Variants in LRBA observed in about 807,000 individuals in gnomAD.
LRBA encodes the protein LPS responsive beige-like anchor protein, also known as lipopolysaccharide-responsive and beige-like anchor protein.
LRBA carries 176 observed loss-of-function variants against 330.0 expected under a neutral mutation model. The ratio of observed to expected loss-of-function variants is 0.53; its 90% CI spans 0.47 to 0.60. LRBA has a LOEUF of 0.60. Ranked by LOEUF, LRBA falls within the 20% of genes least tolerant of loss-of-function variation. LRBA has a pLI of 0.00. For synonymous variants in LRBA, 1,230 were observed against 1,193.0 expected (o/e 1.03, Z -0.64); for missense variants, 3,259 against 3,444.8 (o/e 0.95, Z 1.35).
chr4:150,343,322 T>C (rs563459501), intron 48 of LRBA, among the ~76,000 whole-genome samples: 1 of 152,296 alleles, frequency 6.6e-6, no homozygotes, highest in South Asian at 2.1e-4. Flanking sequence ...GCACTTTGTA[T>C]CACCTTACCC....
At chr4:150,912,837 T>TA (rs1298976224) in intron 9 of LRBA, among the ~76,000 whole-genome samples, 1 of 152,190 alleles carries the variant, frequency 6.6e-6, no homozygotes, top group Non-Finnish European at 1.5e-5. Context: ...GATCAGTCAT[T>TA]ATCACCATAA....
intron 22 of LRBA, among the ~76,000 whole-genome samples, chr4:150,854,251 GTTC>G (rs1222481925): frequency 1.3e-5 from 2 of 152,102 alleles, no homozygotes; most frequent in Non-Finnish European, 2.9e-5. Context: ...TTGTAACTAT[GTTC>G]TTAATTCTAA....
At chr4:150,489,442 AATATATT>A (rs1561251340) in intron 41 of LRBA, among the ~76,000 whole-genome samples, 10 of 44,252 alleles carry the variant, frequency 2.3e-4, no homozygotes, top group South Asian at 2.1e-3. Context: ...AAGAATATAT[AATATATT>A]ATATATAAGA....
At chr4:150,983,674 C>T (rs974322787) in intron 2 of LRBA, among the ~76,000 whole-genome samples, 1 of 151,370 alleles carries the variant, frequency 6.6e-6, no homozygotes, top group South Asian at 2.1e-4. Flanking sequence ...AGGCTGGTCT[C>T]GAACTCCTGT....
intron 37 of LRBA, among the ~76,000 whole-genome samples, chr4:150,641,563 A>C (rs1264429358): frequency 3.9e-5 from 6 of 152,130 alleles, no homozygotes. Flanking sequence ...AAATTTGCAA[A>C]TAAGGTTTCA....
chr4:150,889,354 A>C lies in LRBA; in HGVS notation c.2165+3698T>G, dbSNP rs528441839. Among the ~76,000 whole-genome samples the C allele has an allele frequency of 1.5e-4, 23 of 152,122 alleles. No homozygotes were observed. The East Asian group carries it at 4.3e-3, about 28-fold the overall frequency. ...TAAATGTTAATCTCATCAAAAAAAC[A>C]CTTTCAGGCCAGGTGCAGTGGCTCC... On this transcript the variant is annotated intron_variant, in intron 17 of 56. Transcript: ENST00000651943.
At chr4:150,509,492 A>C (rs1255877326) in intron 40 of LRBA, among the ~76,000 whole-genome samples, 8 of 152,036 alleles carry the variant, frequency 5.3e-5, no homozygotes, top group Admixed American at 1.3e-4. Context: ...CCCTTTAGGA[A>C]AAAAGAAAAA....
chr4:150,555,756 A>ACACACACACAC (rs1767227376), intron 40 of LRBA, among the ~76,000 whole-genome samples: 7 of 144,610 alleles, frequency 4.8e-5, no homozygotes, highest in South Asian at 2.3e-4. Flanking sequence ...GTCTTATAAA[A>ACACACACACAC]ACACACACAC....
chr4:150,614,598 A>C (rs1017238134), intron 37 of LRBA, among the ~76,000 whole-genome samples: 1 of 152,250 alleles, frequency 6.6e-6, no homozygotes, highest in Non-Finnish European at 1.5e-5. Context: ...TTCACAACAA[A>C]ATAGTTTCCA....
chr4:150,564,461 C>T (rs1219400339), intron 40 of LRBA, among the ~76,000 whole-genome samples: 1 of 152,142 alleles, frequency 6.6e-6, no homozygotes, highest in African/African-American at 2.4e-5. Flanking sequence ...CAATACCATT[C>T]AGGACACAGG....
intron 39 of LRBA, among the ~76,000 whole-genome samples, chr4:150,588,659 T>TA (rs1772423580): frequency 6.6e-6 from 1 of 152,208 alleles, no homozygotes; most frequent in Admixed American, 6.5e-5. Flanking sequence ...TGGGAAATGT[T>TA]AAACCATATT....
intron 47 of LRBA, among the ~76,000 whole-genome samples, chr4:150,387,086 G>C (rs2151900637): frequency 6.6e-6 from 1 of 151,118 alleles, no homozygotes; most frequent in Non-Finnish European, 1.5e-5. Context: ...GTCTTTTCAA[G>C]TCCTTTGCCC....
intron 42 of LRBA, among the ~76,000 whole-genome samples, chr4:150,477,043 A>T (rs1175970063): frequency 6.6e-6 from 1 of 152,188 alleles, no homozygotes; most frequent in Non-Finnish European, 1.5e-5. Context: ...CAACTAAACC[A>T]AAAGGAGTAG....
In LRBA at chr4:151,015,052, A is replaced by G. The variant is rs7665453; in HGVS notation, c.-220+150T>C. On this transcript the variant is annotated intron_variant, in intron 1 of 56. Transcript: ENST00000651943. The stretch of plus-strand genomic sequence containing the variant: ...GTCCAAGAGGCCCCCGAACAGGCTC[A>G]CTCCTCCCCCACTCTCGTGCAGGTT... 16,263 of 164,832 alleles carry G rather than the reference A, an allele frequency of 0.099. 1,042 individuals are homozygous for G. The highest frequency in any genetic ancestry group is 0.15 in the Non-Finnish European group (11,320 of 76,162). The allele number at this position is 164,832 out of a possible 1,614,324, so 10.2% of individuals were successfully genotyped here.
chr4:150,792,028 CAAAAAAAAAAA>C (rs11389573), intron 34 of LRBA, among the ~76,000 whole-genome samples: 1 of 46,328 alleles, frequency 2.2e-5, no homozygotes, highest in Non-Finnish European at 3.6e-5. Context: ...GGCTCCATCT[CAAAAAAAAAAA>C]AAAAAAAAAA....
In LRBA at chr4:150,915,744, C is replaced by A; in HGVS notation, c.895-17G>T. Reference sequence around the variant, plus strand: ...CATATACCACTGCAGAAGCAAAAAACAGTTAAAAATACAAAGATAACAATT... The same window carrying A: ...CATATACCACTGCAGAAGCAAAAAAAAGTTAAAAATACAAAGATAACAATT... On this transcript the variant is annotated splice_polypyrimidine_tract_variant and intron_variant, in intron 7 of 56. Coordinates refer to ENST00000651943, the MANE Select transcript of LRBA (RefSeq NM_001364905.1). The A allele has an allele frequency of 6.4e-7, 1 of 1,571,180 alleles. No individual in the cohort carries two copies. Among genetic ancestry groups the A allele is most frequent in the Non-Finnish European group, 8.6e-7 (1 of 1,161,520 alleles).
At chr4:150,799,767 C>T (rs1193701190) in intron 33 of LRBA, among the ~76,000 whole-genome samples, 2 of 152,108 alleles carry the variant, frequency 1.3e-5, no homozygotes, top group Non-Finnish European at 2.9e-5. Context: ...TTTTTTGAGA[C>T]GTTGTCTCGC....
At chr4:150,823,560 T>C (rs1745780197) in intron 30 of LRBA, among the ~76,000 whole-genome samples, 1 of 152,204 alleles carries the variant, frequency 6.6e-6, no homozygotes, top group Middle Eastern at 3.2e-3. Context: ...GGAGAGTTTT[T>C]CCAATGATTT....
intron 50 of LRBA, among the ~76,000 whole-genome samples, chr4:150,320,675 T>G (rs1435937293): frequency 6.6e-6 from 1 of 151,948 alleles, no homozygotes; most frequent in Admixed American, 6.6e-5. Flanking sequence ...GGCATGGTGC[T>G]GCGTGCCTGT....
Sources: gnomAD v4.1 joint callset for allele counts (sites outside exome capture counted in the v4.1 genomes callset) on GRCh38, gnomAD v4.1.1 for gene constraint, MANE v1.5 for transcripts, NCBI Gene and HGNC (gene_info 2026-07-23, HGNC 2026-07-21) for gene names.